The following TSNARE1 variants were observed in gnomAD, a reference collection of about 807,000 sequenced individuals.
TSNARE1 encodes the protein t-SNARE domain containing 1.
Under a neutral mutation model 62.0 loss-of-function variants are expected in TSNARE1, and 49 were observed. That is an observed-to-expected ratio of 0.79 (90% CI 0.63 to 1.00). The LOEUF (loss-of-function observed/expected upper bound fraction) is 1.00, where lower values mean the gene tolerates loss of function less well. TSNARE1 is among the 50% of genes least tolerant of loss of function. TSNARE1 has a pLI of 0.00. For missense variants in TSNARE1, 755 were observed against 700.1 expected, an observed-to-expected ratio of 1.08 and a Z score of -0.88; for synonymous variants, 328 against 294.4, an observed-to-expected ratio of 1.11 and a Z score of -1.17.
At chr8:142,234,895 A>G (rs1817328946) in intron 12 of TSNARE1, among the ~76,000 whole-genome samples, 5 of 151,514 alleles carry the variant, frequency 3.3e-5, no homozygotes, top group Admixed American at 3.3e-4. Context: ...CCACCTCCTA[A>G]AGTCCCCTTG....
At chr8:142,285,203 A>ATGAATGG (rs1822481196) in intron 10 of TSNARE1, among the ~76,000 whole-genome samples, 1 of 126,870 alleles carries the variant, frequency 7.9e-6, no homozygotes, top group Admixed American at 7.8e-5. Context: ...TGGATGGGCG[A>ATGAATGG]GTGGATGGAC....
chr8:142,303,888 G>A (rs1826202107), intron 9 of TSNARE1, among the ~76,000 whole-genome samples: 1 of 152,188 alleles, frequency 6.6e-6, no homozygotes, highest in Non-Finnish European at 1.5e-5. Context: ...GCCACCCCAG[G>A]AGGGATGCAG....
chr8:142,233,188 G>A (rs1384531598), intron 12 of TSNARE1, among the ~76,000 whole-genome samples: 3 of 152,224 alleles, frequency 2.0e-5, no homozygotes, highest in East Asian at 1.9e-4. Context: ...TTAACGAGGC[G>A]AGATGAATTT....
chr8:142,262,177 G>A (rs1157558397), intron 12 of TSNARE1, among the ~76,000 whole-genome samples: 2 of 152,192 alleles, frequency 1.3e-5, no homozygotes, highest in African/African-American at 4.8e-5. Flanking sequence ...TGGCATGGCT[G>A]TTTTTAGGCC....
At chr8:142,310,909 G>C (rs1319329923) in intron 9 of TSNARE1, among the ~76,000 whole-genome samples, 6 of 152,090 alleles carry the variant, frequency 3.9e-5, no homozygotes, top group African/African-American at 1.4e-4. Flanking sequence ...GAATGAAATG[G>C]CATGCTCTCA....
At chr8:142,327,302 T>C (rs984366315) in intron 6 of TSNARE1, among the ~76,000 whole-genome samples, 1 of 149,988 alleles carries the variant, frequency 6.7e-6, no homozygotes, top group African/African-American at 2.5e-5. Context: ...GTCCTCACAG[T>C]GGGACAGAGA....
At chr8:142,316,831 T>TGG (rs1828593004) in intron 7 of TSNARE1, among the ~76,000 whole-genome samples, 1 of 151,936 alleles carries the variant, frequency 6.6e-6, no homozygotes, top group South Asian at 2.1e-4. Context: ...TCCTCACTGC[T>TGG]GACCACACCC....
chr8:142,271,429 T>C (rs371848590), intron 12 of TSNARE1: 4 of 1,252,460 alleles, frequency 3.2e-6, no homozygotes, highest in Admixed American at 4.2e-5. Flanking sequence ...GCTGCTCAAA[T>C]GCGGACGTTT....
At chr8:142,297,867 G>A (rs538877498) in intron 10 of TSNARE1, among the ~76,000 whole-genome samples, 1 of 152,178 alleles carries the variant, frequency 6.6e-6, no homozygotes, top group East Asian at 1.9e-4. Flanking sequence ...GCAGTGAGGT[G>A]TACAGACGCC....
At chr8:142,271,500 G>A (rs1819539419) in intron 12 of TSNARE1, 7 of 1,330,150 alleles carry the variant, frequency 5.3e-6, no homozygotes, top group Non-Finnish European at 6.7e-6. Context: ...GAAGAGGGCG[G>A]GGAAGGCTGG....
intron 9 of TSNARE1, among the ~76,000 whole-genome samples, chr8:142,309,094 ACTGT>A (rs371884694): frequency 6.6e-6 from 1 of 152,244 alleles, no homozygotes; most frequent in East Asian, 1.9e-4. Context: ...TCCTCTCCAA[ACTGT>A]CTTTTGCCAG....
chr8:142,341,593 G>A (rs1026849513), intron 4 of TSNARE1, among the ~76,000 whole-genome samples: 1 of 152,200 alleles, frequency 6.6e-6, no homozygotes, highest in Non-Finnish European at 1.5e-5. Context: ...GGCTAGGACA[G>A]CACAAGGTAG....
chr8:142,272,954 A>G (rs1819847837), intron 12 of TSNARE1: 1 of 985,436 alleles, frequency 1.0e-6, no homozygotes, highest in African/African-American at 1.7e-5. Context: ...CAGATGCCTC[A>G]TCCCTCCCTG....
chr8:142,227,844 G>A (rs961012282), intron 13 of TSNARE1, among the ~76,000 whole-genome samples: 1 of 152,382 alleles, frequency 6.6e-6, no homozygotes, highest in African/African-American at 2.4e-5. Flanking sequence ...GAGGCTACAG[G>A]ATAAATTTAG....
At chr8:142,331,048 T>G in intron 5 of TSNARE1, 78 bp from the exon 6 acceptor site, 1 of 1,343,188 alleles carries the variant, frequency 7.4e-7, no homozygotes, top group Non-Finnish European at 1.1e-6. Flanking sequence ...GTGGCCCCAC[T>G]GCAGCCCGGG....
chr8:142,268,318 T>C (rs1819245414), intron 12 of TSNARE1, among the ~76,000 whole-genome samples: 1 of 152,224 alleles, frequency 6.6e-6, no homozygotes, highest in East Asian at 1.9e-4. Flanking sequence ...GACTTACCCA[T>C]TCTGCCCCTA....
chr8:142,376,398 G>A (rs1836343963), intron 1 of TSNARE1, among the ~76,000 whole-genome samples: 1 of 152,198 alleles, frequency 6.6e-6, no homozygotes, highest in African/African-American at 2.4e-5. Flanking sequence ...TAGCAGGTGA[G>A]GCATTTGGGT....
chr8:142,389,888 T>C (rs1837363649), intron 1 of TSNARE1, among the ~76,000 whole-genome samples: 2 of 152,246 alleles, frequency 1.3e-5, no homozygotes, highest in Non-Finnish European at 2.9e-5. Context: ...ATTTCCTCAC[T>C]GTGCAAACAT....
chr8:142,218,169 CCTCAGTGTGACCAGGATCAGGA>C (rs1563751439), intron 13 of TSNARE1, among the ~76,000 whole-genome samples: 1 of 113,264 alleles, frequency 8.8e-6, no homozygotes, highest in African/African-American at 3.7e-5. Context: ...CAGGGTCAGG[CCTCAGTGTGACCAGGATCAGGA>C]CTCAGAGTGT....
Sources: allele counts gnomAD v4.1 joint callset (sites outside exome capture counted in the v4.1 genomes callset), GRCh38; gene constraint gnomAD v4.1.1; transcripts MANE v1.5; gene names NCBI Gene and HGNC (gene_info 2026-07-23, HGNC 2026-07-21).